RSF1: variants seen among roughly 807,000 people sequenced by gnomAD.
RSF1 encodes remodeling and spacing factor 1, also known as HBV pX-associated protein 8.
In RSF1, 13 loss-of-function variants were observed where a neutral mutation model predicts 145.2. The ratio of observed to expected loss-of-function variants is 0.09; its 90% CI spans 0.06 to 0.14. The LOEUF (loss-of-function observed/expected upper bound fraction) is 0.14. Among genes scored for constraint, RSF1 ranks in the 10% least tolerant of loss-of-function variants. The probability of loss-of-function intolerance (pLI) is 1.00; values close to 1 mark genes in which losing one functional copy is unlikely to be tolerated. For synonymous variants in RSF1, 577 were observed against 592.6 expected, an observed-to-expected ratio of 0.97 and a Z score of 0.38; for missense variants, 1,517 against 1,718.2, an observed-to-expected ratio of 0.88 and a Z score of 2.07.
At chr11:77,708,998 G>C (rs564428065) in intron 5 of RSF1, among the ~76,000 whole-genome samples, 1 of 152,168 alleles carries the variant, frequency 6.6e-6, no homozygotes, top group East Asian at 1.9e-4. Flanking sequence ...AATAAAATTT[G>C]ATTAATAAAA....
rs1959668503 is a variant in RSF1, at chr11:77,675,194, G to A, written c.3404C>T (p.Ser1135Phe). 6.2e-7 allele frequency: 1 copy of A among 1,614,124 alleles called. No homozygotes were observed. The highest frequency in any genetic ancestry group is 1.3e-5 in the African/African-American group (1 of 75,036). ...AAAGTCAGTGTCACTGTCATCATTA[G>A]ATGGCGGATCTTCTTCACTTTCATC... ...NPDESEEDPP[S>F]NDDSDTDFCS... Residue 1135 changes from serine (S) to phenylalanine (F), a missense_variant, in exon 14 of 16, where the codon TCT becomes TTT. Around this residue, in one of 12 missense-constraint regions of RSF1, gnomAD observed 231 missense variants for 276.6 expected, o/e 0.84. Transcript: ENST00000308488.
At chr11:77,728,430 C>T (rs1399478405) in intron 4 of RSF1, among the ~76,000 whole-genome samples, 1 of 151,670 alleles carries the variant, frequency 6.6e-6, no homozygotes, top group Non-Finnish European at 1.5e-5. Context: ...AATCCCAGCA[C>T]TTTGGAGGGC....
the RSF1 span, among the ~76,000 whole-genome samples, chr11:77,844,950 C>T: frequency 6.6e-6 from 1 of 152,164 alleles, no homozygotes; most frequent in Non-Finnish European, 1.5e-5. Flanking sequence ...CTTTTGGCTT[C>T]ATTGGTTTCT....
At chr11:77,857,351 G>A in the RSF1 span, among the ~76,000 whole-genome samples, 14 of 152,248 alleles carry the variant, frequency 9.2e-5, no homozygotes, top group Middle Eastern at 6.8e-3. Context: ...CTTACTGGCA[G>A]GAAAAACATA....
chr11:77,866,140 G>A, the RSF1 span, among the ~76,000 whole-genome samples: 1 of 152,202 alleles, frequency 6.6e-6, no homozygotes, highest in African/African-American at 2.4e-5. Context: ...TGGAAGAGTA[G>A]TTTAGGAATG....
chr11:77,766,784 T>C (rs1394820160), intron 1 of RSF1, among the ~76,000 whole-genome samples: 1 of 152,178 alleles, frequency 6.6e-6, no homozygotes, highest in African/African-American at 2.4e-5. Context: ...CCTTAATGAT[T>C]GAATTGGAGG....
At chr11:77,826,847 G>A in the RSF1 span, among the ~76,000 whole-genome samples, 3 of 152,206 alleles carry the variant, frequency 2.0e-5, no homozygotes. Context: ...GCTCATGCCT[G>A]TAATCCCAGC....
the RSF1 span, among the ~76,000 whole-genome samples, chr11:77,835,814 G>A: frequency 3.3e-5 from 5 of 152,088 alleles, no homozygotes; most frequent in Non-Finnish European, 5.9e-5. Flanking sequence ...CCAGCTACAA[G>A]GGTGGCTGAG....
chr11:77,761,883 T>C (rs1202257721), intron 2 of RSF1, among the ~76,000 whole-genome samples: 1 of 143,260 alleles, frequency 7.0e-6, no homozygotes, highest in East Asian at 2.1e-4. Context: ...CAGGCTGGAG[T>C]GCAGTGGCAC....
the RSF1 span, among the ~76,000 whole-genome samples, chr11:77,848,011 A>G: frequency 6.6e-6 from 1 of 152,192 alleles, no homozygotes; most frequent in African/African-American, 2.4e-5. Flanking sequence ...CAGGCCCTCA[A>G]TGGATTGGAT....
the RSF1 span, chr11:77,866,450 A>AT: frequency 6.6e-6 from 1 of 151,964 alleles, no homozygotes; most frequent in African/African-American, 2.4e-5. Context: ...AATAGTCTCA[A>AT]GCTCCAATCC....
chr11:77,690,414 A>G (rs1216746448), intron 9 of RSF1, among the ~76,000 whole-genome samples: 1 of 152,146 alleles, frequency 6.6e-6, no homozygotes, highest in African/African-American at 2.4e-5. Context: ...TATTTGGGCC[A>G]ATATTTATTC....
intron 2 of RSF1, among the ~76,000 whole-genome samples, chr11:77,758,460 A>G (rs1330884437): frequency 6.6e-6 from 1 of 152,148 alleles, no homozygotes; most frequent in Non-Finnish European, 1.5e-5. Context: ...GAGTAATTAT[A>G]TATGTAGAAG....
intron 1 of RSF1, among the ~76,000 whole-genome samples, chr11:77,788,755 T>C (rs1484666630): frequency 1.3e-5 from 2 of 152,142 alleles, no homozygotes; most frequent in Non-Finnish European, 2.9e-5. Context: ...GTCTTAAATC[T>C]ATGACCAAAG....
intron 2 of RSF1, among the ~76,000 whole-genome samples, chr11:77,754,849 A>C (rs1429934549): frequency 1.3e-5 from 2 of 151,974 alleles, no homozygotes; most frequent in African/African-American, 4.8e-5. Context: ...CACATCTATA[A>C]TCCTAGCTAC....
the RSF1 span, among the ~76,000 whole-genome samples, chr11:77,832,552 C>G: frequency 1.3e-5 from 2 of 151,904 alleles, no homozygotes; most frequent in African/African-American, 4.8e-5. Context: ...TCTGAAACTC[C>G]GGACCTCAGG....
chr11:77,851,364 G>A, the RSF1 span: 3 of 152,352 alleles, frequency 2.0e-5, no homozygotes, highest in African/African-American at 7.2e-5. Context: ...CCAGGCTAGA[G>A]TTTCTTCTGC....
At chr11:77,857,468 A>C in the RSF1 span, among the ~76,000 whole-genome samples, 36 of 152,184 alleles carry the variant, frequency 2.4e-4, no homozygotes, top group African/African-American at 8.7e-4. Flanking sequence ...ATATCTACAA[A>C]TATTTATTTT....
chr11:77,798,155 G>A (rs138990039), intron 1 of RSF1, among the ~76,000 whole-genome samples: 3 of 152,226 alleles, frequency 2.0e-5, no homozygotes, highest in Admixed American at 6.5e-5. Context: ...TCCCATTACT[G>A]GGGTACATAC....
Sources: gnomAD v4.1 joint callset for allele counts (sites outside exome capture counted in the v4.1 genomes callset) on GRCh38, gnomAD v4.1.1 for gene constraint, gnomAD v4.1.1 regional missense constraint, MANE v1.5 for transcripts, NCBI Gene and HGNC (gene_info 2026-07-23, HGNC 2026-07-21) for gene names.